Variants in RUNDC3B observed in about 807,000 individuals in gnomAD.
The protein encoded by RUNDC3B is RUN domain-containing protein 3B.
In RUNDC3B, 33 loss-of-function variants were observed where a neutral mutation model predicts 58.4. That is an observed-to-expected ratio of 0.56 (90% CI 0.43 to 0.75). The LOEUF (loss-of-function observed/expected upper bound fraction) is 0.75, where lower values mean the gene tolerates loss of function less well. Among genes scored for constraint, RUNDC3B ranks in the 30% least tolerant of loss-of-function variants. The pLI is 0.00. For missense variants in RUNDC3B, 501 were observed against 535.7 expected (o/e 0.94, Z 0.64); for synonymous variants, 193 against 195.2 (o/e 0.99, Z 0.10).
chr7:87,714,334 A>G (rs981047028), intron 4 of RUNDC3B, among the ~76,000 whole-genome samples: 2 of 152,142 alleles, frequency 1.3e-5, no homozygotes, highest in Non-Finnish European at 2.9e-5. Flanking sequence ...AGCATTTATT[A>G]TTAAGTTTAG....
intron 9 of RUNDC3B, among the ~76,000 whole-genome samples, chr7:87,809,209 T>C (rs1163257121): frequency 6.6e-6 from 1 of 152,154 alleles, no homozygotes; most frequent in Admixed American, 6.5e-5. Context: ...TTAGCATGGA[T>C]CTAGATTTTA....
chr7:87,675,087 G>C (rs773571501), intron 2 of RUNDC3B, among the ~76,000 whole-genome samples: 4 of 152,208 alleles, frequency 2.6e-5, no homozygotes, highest in Non-Finnish European at 4.4e-5. Flanking sequence ...TCTGTGGTGA[G>C]AGCGGGCCGC....
In RUNDC3B at chr7:87,831,262, C is replaced by A. The variant is rs946317639; in HGVS notation, c.*1232C>A. The A allele has an allele frequency of 1.5e-4, 22 of 151,658 alleles. No individual in the cohort carries two copies. The highest frequency in any genetic ancestry group is 5.3e-4 in the African/African-American group (22 of 41,342). 9.4% of individuals were successfully genotyped at this position (151,658 alleles called of 1,614,324 possible). A position where few individuals can be genotyped will look rare whatever the true frequency, so the allele number is the denominator to read the frequency against. On this transcript the variant is annotated 3_prime_UTR_variant, in exon 11 of 11. Coordinates refer to ENST00000394654, the MANE Select transcript of RUNDC3B (RefSeq NM_001134405.2). ...TTATACATTGTTTACATGATGAGGCCACAGTACTTACTGAGGACTTCATAT... is the reference window on the plus strand; with the variant it reads ...TTATACATTGTTTACATGATGAGGCAACAGTACTTACTGAGGACTTCATAT...
rs548175830 is a variant in RUNDC3B at position 87,698,452 on chromosome 7, G to A, written c.239-1969G>A. On this transcript the variant is annotated intron_variant, in intron 2 of 10. Transcript: ENST00000394654. Reference sequence around the variant, plus strand: ...ATAGTTATTAGAATAAAGATTTATAGATGCATTTGTTTTTATTTATATAAA... The same window carrying A: ...ATAGTTATTAGAATAAAGATTTATAAATGCATTTGTTTTTATTTATATAAA... Among the ~76,000 whole-genome samples the A allele has an allele frequency of 2.6e-5, 4 of 152,256 alleles. No individual in the cohort carries two copies. In the South Asian group the frequency reaches 6.2e-4, roughly 24 times the overall value.
intron 4 of RUNDC3B, among the ~76,000 whole-genome samples, chr7:87,728,756 T>C (rs1460439840): frequency 2.6e-5 from 4 of 152,218 alleles, no homozygotes; most frequent in Non-Finnish European, 4.4e-5. Flanking sequence ...GGCATGGATA[T>C]ATTTTAGAAG....
chr7:87,810,656 A>C (rs753866190), intron 9 of RUNDC3B, among the ~76,000 whole-genome samples: 33 of 152,194 alleles, frequency 2.2e-4, no homozygotes, highest in Non-Finnish European at 4.6e-4. Context: ...CCCTCTCATA[A>C]TTGAAGATCT....
chr7:87,678,542 G>A (rs917420769), intron 2 of RUNDC3B, among the ~76,000 whole-genome samples: 5 of 151,928 alleles, frequency 3.3e-5, no homozygotes, highest in Non-Finnish European at 5.9e-5. Context: ...AGAAGGTGGT[G>A]AAAAAAGGGA....
At position 87,832,082 on chromosome 7, in the gene RUNDC3B, TAC is replaced by T. The variant is rs958774859; in HGVS notation, c.*2054_*2055del. ...ATCTGCTGTTATAAAATCAGGTTTC[TAC>T]AGAGTTCGTTTCACACTAAAGGTAG... On this transcript the variant is annotated 3_prime_UTR_variant, in exon 11 of 11. Transcript: ENST00000394654. 8 of 151,948 alleles carry T rather than the reference TAC, an allele frequency of 5.3e-5. No homozygotes were observed. The highest frequency in any genetic ancestry group is 1.4e-4 in the African/African-American group (6 of 41,434). 9.4% of individuals were successfully genotyped at this position (151,948 alleles called of 1,614,324 possible).
chr7:87,806,426 G>A (rs1836436554), intron 8 of RUNDC3B, among the ~76,000 whole-genome samples: 1 of 152,126 alleles, frequency 6.6e-6, no homozygotes, highest in South Asian at 2.1e-4. Flanking sequence ...TTACTTCTCT[G>A]CTTCTGAATT....
chr7:87,767,903 A>G (rs189990168), intron 6 of RUNDC3B, among the ~76,000 whole-genome samples: 203 of 152,288 alleles, frequency 1.3e-3, no homozygotes, highest in South Asian at 8.5e-3. Context: ...CTAGGCCACA[A>G]TGCAACTGAG....
chr7:87,768,680 C>A (rs1004441521), intron 6 of RUNDC3B, among the ~76,000 whole-genome samples: 2 of 152,172 alleles, frequency 1.3e-5, no homozygotes, highest in African/African-American at 2.4e-5. Context: ...CCCCTACCTA[C>A]CCTTTCTATG....
At position 87,659,994 on chromosome 7, in the gene RUNDC3B, C is replaced by G. The variant is rs28381748; in HGVS notation, c.238+9057C>G. On this transcript the variant is annotated intron_variant, in intron 2 of 10. Coordinates refer to ENST00000394654, the MANE Select transcript of RUNDC3B (RefSeq NM_001134405.2). ...TCATATATTGTTTTAATCTACTTTG[C>G]CAGATTTAGGATTTCGGTTTGATAA... 1.4e-3 allele frequency among the ~76,000 whole-genome samples: 218 copies of G among 152,108 alleles called. 2 individuals are homozygous for G. Among genetic ancestry groups the G allele is most frequent in the African/African-American group, 5.1e-3 (210 of 41,502 alleles).
chr7:87,726,171 C>T (rs974930146), intron 4 of RUNDC3B, among the ~76,000 whole-genome samples: 1 of 152,170 alleles, frequency 6.6e-6, no homozygotes, highest in Non-Finnish European at 1.5e-5. Context: ...TTGCCCATGC[C>T]TATGTCCTGA....
intron 2 of RUNDC3B, among the ~76,000 whole-genome samples, chr7:87,651,307 A>G (rs1006469460): frequency 6.6e-6 from 1 of 152,144 alleles, no homozygotes; most frequent in Admixed American, 6.6e-5. Context: ...TCTTAAACTT[A>G]GGTATCTTTG....
chr7:87,650,248 T>A (rs1387280514), intron 1 of RUNDC3B, among the ~76,000 whole-genome samples: 1 of 152,160 alleles, frequency 6.6e-6, no homozygotes, highest in East Asian at 1.9e-4. Context: ...GTCTTAGTTT[T>A]TTCAGTAGAT....
intron 4 of RUNDC3B, among the ~76,000 whole-genome samples, chr7:87,730,654 G>A (rs1458536113): frequency 2.0e-5 from 3 of 151,736 alleles, no homozygotes; most frequent in Non-Finnish European, 2.9e-5. Context: ...CTGAAGGGAA[G>A]GACACAGACC....
At chr7:87,754,943 C>CAAAA (rs35896180) in intron 6 of RUNDC3B, among the ~76,000 whole-genome samples, 1 of 73,368 alleles carries the variant, frequency 1.4e-5, no homozygotes, top group Non-Finnish European at 2.7e-5. Flanking sequence ...GCTTACCAAC[C>CAAAA]AAAAAAAAAA....
chr7:87,815,261 C>G (rs1481495325), intron 9 of RUNDC3B, among the ~76,000 whole-genome samples: 1 of 151,988 alleles, frequency 6.6e-6, no homozygotes, highest in East Asian at 1.9e-4. Flanking sequence ...ATGTGCATTC[C>G]TATAAAAATT....
chr7:87,732,839 G>A, intron 4 of RUNDC3B, among the ~76,000 whole-genome samples: 1 of 152,194 alleles, frequency 6.6e-6, no homozygotes, highest in Non-Finnish European at 1.5e-5. Flanking sequence ...TTTGTATGGA[G>A]AAGTACAGTA....
Sources: gnomAD v4.1 joint callset for allele counts (sites outside exome capture counted in the v4.1 genomes callset) on GRCh38, gnomAD v4.1.1 for gene constraint, MANE v1.5 for transcripts, NCBI Gene and HGNC (gene_info 2026-07-23, HGNC 2026-07-21) for gene names.